The following GLIS3 variants were observed in gnomAD, a reference collection of about 807,000 sequenced individuals.
GLIS3 encodes the protein GLIS family zinc finger 3, also known as zinc finger protein GLIS3.
A neutral mutation model predicts 78.6 loss-of-function variants in GLIS3; 53 were observed. The observed-to-expected ratio is 0.67, with a 90% CI of 0.54 to 0.85. The LOEUF (loss-of-function observed/expected upper bound fraction) is 0.85, where lower values mean the gene tolerates loss of function less well. Among genes scored for constraint, GLIS3 ranks in the 40% least tolerant of loss-of-function variants. The probability of loss-of-function intolerance (pLI) is 0.00; values close to 1 mark genes in which losing one functional copy is unlikely to be tolerated. For missense variants in GLIS3, 1,703 were observed against 1,231.1 expected, an observed-to-expected ratio of 1.38 and a Z score of -5.74; for synonymous variants, 684 against 509.9, an observed-to-expected ratio of 1.34 and a Z score of -4.60.
chr9:4,278,470 C>T (rs962897315), intron 2 of GLIS3, among the ~76,000 whole-genome samples: 1 of 152,160 alleles, frequency 6.6e-6, no homozygotes, highest in South Asian at 2.1e-4. Flanking sequence ...GGGGCTCCCA[C>T]TGGTCAAATT....
intron 2 of GLIS3, among the ~76,000 whole-genome samples, chr9:4,174,551 A>C (rs559792217): frequency 2.0e-5 from 3 of 152,256 alleles, no homozygotes; most frequent in Non-Finnish European, 4.4e-5. Flanking sequence ...GCAAAAAATG[A>C]TTCCTATATA....
chr9:3,870,073 G>A (rs149425498), intron 8 of GLIS3, among the ~76,000 whole-genome samples: 53 of 152,302 alleles, frequency 3.5e-4, no homozygotes, highest in Non-Finnish European at 6.3e-4. Flanking sequence ...ACTGGTTTGG[G>A]TAGAGCTAAA....
At chr9:4,132,394 C>A (rs1410596936) in intron 2 of GLIS3, among the ~76,000 whole-genome samples, 1 of 152,166 alleles carries the variant, frequency 6.6e-6, no homozygotes, top group Non-Finnish European at 1.5e-5. Flanking sequence ...TAAAAGGGTT[C>A]TCTTGAAGTC....
intron 2 of GLIS3, among the ~76,000 whole-genome samples, chr9:4,319,737 C>G (rs1278185893): frequency 6.6e-6 from 1 of 151,948 alleles, no homozygotes; most frequent in African/African-American, 2.4e-5. Flanking sequence ...ACTATGTTGC[C>G]CAGGATGGTT....
chr9:3,852,128 T>C (rs879601527), intron 9 of GLIS3, among the ~76,000 whole-genome samples: 2 of 149,708 alleles, frequency 1.3e-5, no homozygotes, highest in Non-Finnish European at 1.5e-5. Flanking sequence ...CTGGGTGACA[T>C]AGTGAGACTA....
At chr9:4,474,021 C>T in the GLIS3 span, among the ~76,000 whole-genome samples, 7 of 131,668 alleles carry the variant, frequency 5.3e-5, no homozygotes, top group Non-Finnish European at 9.1e-5. Context: ...TCAGTTCCCC[C>T]CTAAAGCTAT....
At chr9:4,180,099 T>C (rs1817170703) in intron 2 of GLIS3, among the ~76,000 whole-genome samples, 1 of 152,040 alleles carries the variant, frequency 6.6e-6, no homozygotes, top group Non-Finnish European at 1.5e-5. Flanking sequence ...GTTACCTATG[T>C]CAAGGCTGAG....
intron 7 of GLIS3, among the ~76,000 whole-genome samples, chr9:3,882,010 C>T (rs927850673): frequency 1.3e-5 from 2 of 152,196 alleles, no homozygotes; most frequent in Non-Finnish European, 2.9e-5. Flanking sequence ...TTTCTACTTA[C>T]TTCATTACAT....
At chr9:4,286,009 T>A in intron 2 of GLIS3, 29 bp downstream of exon 2, 3 of 1,614,004 alleles carry the variant, frequency 1.9e-6, no homozygotes, top group Non-Finnish European at 2.5e-6. Context: ...CGTTTCCATT[T>A]TTAAAAGGTT....
At chr9:3,895,947 A>G (rs1357858158) in intron 7 of GLIS3, among the ~76,000 whole-genome samples, 1 of 152,262 alleles carries the variant, frequency 6.6e-6, no homozygotes, top group East Asian at 1.9e-4. Context: ...ACTTAAAGGT[A>G]GAAGTGCCTG....
intron 2 of GLIS3, among the ~76,000 whole-genome samples, chr9:4,342,899 G>T (rs563449285): frequency 1.3e-5 from 2 of 152,118 alleles, no homozygotes; most frequent in Non-Finnish European, 2.9e-5. Flanking sequence ...CTCAGCTTGG[G>T]CATTTTTGAT....
chr9:3,879,495 T>C lies in GLIS3; in HGVS notation c.2229A>G (p.Val743=). Residue 743 remains valine, a synonymous_variant, in exon 8 of 11, where the codon GTA becomes GTG. Coordinates refer to ENST00000381971, the MANE Select transcript of GLIS3 (RefSeq NM_001042413.2). ...AGGAGGGGTTGTGAGGGCTCCCCTG[T>C]ACATTATGTCCTGGAGAAGGGTGAC... The part of the protein sequence containing the change: ...PVSHPSPGHN[V]QGSPHNPSSQ... 2 of 1,614,088 alleles carry C rather than the reference T, an allele frequency of 1.2e-6. No individual in the cohort carries two copies. The highest frequency in any genetic ancestry group is 1.3e-5 in the African/African-American group (1 of 75,024).
At chr9:3,848,817 T>C (rs1361721588) in intron 9 of GLIS3, among the ~76,000 whole-genome samples, 1 of 152,266 alleles carries the variant, frequency 6.6e-6, no homozygotes, top group East Asian at 1.9e-4. Flanking sequence ...CCTTTGTTTC[T>C]TGTTGCAGTC....
At chr9:4,409,859 T>C in the GLIS3 span, among the ~76,000 whole-genome samples, 5 of 152,236 alleles carry the variant, frequency 3.3e-5, no homozygotes, top group Non-Finnish European at 1.5e-5. Flanking sequence ...ATTTCAGACG[T>C]GGCTACCGGA....
At chr9:4,402,788 A>C in the GLIS3 span, among the ~76,000 whole-genome samples, 1 of 152,188 alleles carries the variant, frequency 6.6e-6, no homozygotes, top group Non-Finnish European at 1.5e-5. Context: ...GGGGAAAGAA[A>C]GATAAAAAAA....
At chr9:4,372,993 C>T in the GLIS3 span, among the ~76,000 whole-genome samples, 2 of 152,086 alleles carry the variant, frequency 1.3e-5, no homozygotes, top group African/African-American at 2.4e-5. Context: ...AGGTACTGCA[C>T]AGAAGTTTGC....
intron 2 of GLIS3, among the ~76,000 whole-genome samples, chr9:4,225,647 G>A (rs1202697675): frequency 2.6e-5 from 4 of 152,180 alleles, no homozygotes; most frequent in Non-Finnish European, 5.9e-5. Flanking sequence ...GCTTCTTAAT[G>A]ATGAGCTCAC....
rs368393095 is a variant in GLIS3, at chr9:3,962,705, G to T, written c.1711-25516C>A. On this transcript the variant is annotated intron_variant, in intron 4 of 10. Transcript: ENST00000381971. The stretch of plus-strand genomic sequence containing the variant: ...GTAAATAGGGAGAAACAAGAGAAAG[G>T]GGGGAATGTGAAGTCCAGAATTTCA... Among the ~76,000 whole-genome samples the T allele has an allele frequency of 1.4e-4, 22 of 152,246 alleles. No homozygotes were observed. The South Asian group carries it at 4.4e-3, about 30-fold the overall frequency.
chr9:4,262,708 T>C (rs1156791421), intron 2 of GLIS3, among the ~76,000 whole-genome samples: 1 of 152,142 alleles, frequency 6.6e-6, no homozygotes, highest in East Asian at 1.9e-4. Context: ...ACTATGCAGC[T>C]TTTCTAACTT....
Sources: gnomAD v4.1 joint callset for allele counts (sites outside exome capture counted in the v4.1 genomes callset) on GRCh38, gnomAD v4.1.1 for gene constraint, MANE v1.5 for transcripts, NCBI Gene and HGNC (gene_info 2026-07-23, HGNC 2026-07-21) for gene names.